KLF7: variants seen among roughly 807,000 people sequenced by gnomAD.
KLF7 encodes the protein KLF transcription factor 7.
A neutral mutation model predicts 27.3 loss-of-function variants in KLF7; 2 were observed. That is an observed-to-expected ratio of 0.07 (90% CI 0.03 to 0.23). The LOEUF (loss-of-function observed/expected upper bound fraction) is 0.23, where lower values mean the gene tolerates loss of function less well. Among genes scored for constraint, KLF7 ranks in the 10% least tolerant of loss-of-function variants. The probability of loss-of-function intolerance (pLI) is 1.00; values close to 1 mark genes in which losing one functional copy is unlikely to be tolerated. For synonymous variants in KLF7, 165 were observed against 162.4 expected (o/e 1.02, Z -0.12); for missense variants, 221 against 394.1 (o/e 0.56, Z 3.72).
At chr2:207,109,926 G>A (rs1313008105) in intron 2 of KLF7, 1 of 154,832 alleles carries the variant, frequency 6.5e-6, no homozygotes, top group African/African-American at 2.4e-5. Context: ...GCTAATACAT[G>A]TAAAAGCCAC....
chr2:207,114,547 A>AT (rs1308951039), intron 2 of KLF7, among the ~76,000 whole-genome samples: 1 of 152,224 alleles, frequency 6.6e-6, no homozygotes, highest in Non-Finnish European at 1.5e-5. Context: ...CTACACTCAA[A>AT]TATGTACCAG....
chr2:207,165,360 AAAAGTC>A, intron 1 of KLF7, 101 bp downstream of exon 1: 1 of 1,500,454 alleles, frequency 6.7e-7, no homozygotes, highest in Non-Finnish European at 9.0e-7. Flanking sequence ...AGGAAGAAAA[AAAAGTC>A]AAACAAACAA....
At chr2:207,172,538 G>A in the KLF7 span, among the ~76,000 whole-genome samples, 109 of 152,178 alleles carry the variant, frequency 7.2e-4, no homozygotes, top group Admixed American at 5.2e-3. Context: ...GATAAGGGAG[G>A]AAAAGTTATT....
chr2:207,136,388 G>A (rs745866281), intron 1 of KLF7, among the ~76,000 whole-genome samples: 17 of 152,024 alleles, frequency 1.1e-4, no homozygotes, highest in Non-Finnish European at 2.1e-4. Context: ...CCCTCTCTCA[G>A]AGCCCTAGTA....
At chr2:207,115,607 A>C (rs2105956086) in intron 2 of KLF7, among the ~76,000 whole-genome samples, 1 of 152,350 alleles carries the variant, frequency 6.6e-6, no homozygotes, top group South Asian at 2.1e-4. Flanking sequence ...ATGTCATGTC[A>C]ATACATTAAC....
Position 207,165,787 on chromosome 2 carries a change from G to C in KLF7, c.-219C>G, listed in dbSNP as rs2078689777. 1.4e-6 allele frequency: 2 copies of C among 1,427,718 alleles called. No individual in the cohort carries two copies. Among genetic ancestry groups the C allele is most frequent in the Non-Finnish European group, 1.8e-6 (2 of 1,096,384 alleles). The allele number at this position is 1,427,718 out of a possible 1,614,324, so 88.4% of individuals were successfully genotyped here. A position where few individuals can be genotyped will look rare whatever the true frequency, so the allele number is the denominator to read the frequency against. ...AGCGAGTGAGTGGGGTGGATGGAGA[G>C]AGGCATCCAGCGTGTACAGTGCAGA... On this transcript the variant is annotated 5_prime_UTR_variant, in exon 1 of 4. Coordinates refer to ENST00000309446, the MANE Select transcript of KLF7 (RefSeq NM_003709.4).
intron 3 of KLF7, 75 bp from the exon 4 acceptor site, chr2:207,081,339 G>T: frequency 1.6e-6 from 2 of 1,231,092 alleles, no homozygotes; most frequent in South Asian, 1.2e-5. Flanking sequence ...CTTAGGAAAT[G>T]ATTTCCCTTA....
intron 2 of KLF7, among the ~76,000 whole-genome samples, chr2:207,101,855 A>T (rs1373231886): frequency 6.6e-6 from 1 of 152,208 alleles, no homozygotes; most frequent in Non-Finnish European, 1.5e-5. Context: ...TTTACATTCT[A>T]TGTAGCTCCA....
At position 207,157,219 on chromosome 2, in the gene KLF7, T is replaced by TA. The variant is rs5838052; in HGVS notation, c.102+8247dup. On this transcript the variant is annotated intron_variant, in intron 1 of 3. Transcript: ENST00000309446. ...CAAGAAAAATGACACAACAGAAAAGTAAAAAAAAAAAAAAAAAAAAAAGAA... is the reference window on the plus strand; with the variant it reads ...CAAGAAAAATGACACAACAGAAAAGTAAAAAAAAAAAAAAAAAAAAAAAGAA... 4.4e-3 allele frequency among the ~76,000 whole-genome samples: 387 copies of TA among 87,286 alleles called. 3 individuals are homozygous for TA. The highest frequency in any genetic ancestry group is 0.01 in the African/African-American group (234 of 23,296). 57.3% of individuals were successfully genotyped at this position (87,286 alleles called of 152,430 possible).
chr2:207,078,175 AAAG>A lies in KLF7; in HGVS notation c.*3035_*3037del, dbSNP rs2076209471. The A allele has an allele frequency of 6.6e-6, 1 of 152,250 alleles. No homozygotes were observed. Among genetic ancestry groups the A allele is most frequent in the Admixed American group, 6.5e-5 (1 of 15,278 alleles). The allele number at this position is 152,250 out of a possible 1,614,324, so 9.4% of individuals were successfully genotyped here. A position where few individuals can be genotyped will look rare whatever the true frequency, so the allele number is the denominator to read the frequency against. On this transcript the variant is annotated 3_prime_UTR_variant, in exon 4 of 4. Transcript: ENST00000309446. ...ATCATTCACAGGTGTCAACTCGGCT[AAAG>A]AAGAACAGTTTCAAAGCCATCCACT...
chr2:207,100,319 T>C (rs1414367090), intron 2 of KLF7, among the ~76,000 whole-genome samples: 5 of 152,248 alleles, frequency 3.3e-5, no homozygotes, highest in Admixed American at 1.3e-4. Context: ...TCTTCCAAGA[T>C]GATTAAACAT....
chr2:207,083,334 TTC>T (rs1434769336), intron 3 of KLF7, among the ~76,000 whole-genome samples: 1 of 152,150 alleles, frequency 6.6e-6, no homozygotes, highest in Non-Finnish European at 1.5e-5. Flanking sequence ...TTCCTTCTTT[TTC>T]TCTCTTTCCC....
intron 2 of KLF7, chr2:207,121,516 A>G (rs2077339967): frequency 6.6e-6 from 1 of 152,200 alleles, no homozygotes; most frequent in Admixed American, 6.5e-5. Context: ...AGAAATGAGG[A>G]AACTGAGGTC....
At chr2:207,171,395 T>C (rs1162281383), upstream of KLF7, among the ~76,000 whole-genome samples, 1 of 152,156 alleles carries the variant, frequency 6.6e-6, no homozygotes, top group Non-Finnish European at 1.5e-5. Context: ...TTATTATACA[T>C]AAAATGAGTT....
chr2:207,165,885 T>C lies in KLF7; in HGVS notation c.-317A>G, dbSNP rs1481002582. ...CCAGGGCTCTAATCACTCCAGCTCG[T>C]GGATCAGGAAGGGGGATGCAAACTC... is the stretch of plus-strand genomic sequence containing the variant. On this transcript the variant is annotated 5_prime_UTR_variant, in exon 1 of 4. Coordinates refer to ENST00000309446, the MANE Select transcript of KLF7 (RefSeq NM_003709.4). 4.3e-6 allele frequency: 5 copies of C among 1,173,770 alleles called. No homozygotes were observed. In the African/African-American group the frequency reaches 4.6e-5, roughly 11 times the overall value. The allele number at this position is 1,173,770 out of a possible 1,614,324, so 72.7% of individuals were successfully genotyped here.
chr2:207,101,989 T>C (rs1045800039), intron 2 of KLF7, among the ~76,000 whole-genome samples: 3 of 152,134 alleles, frequency 2.0e-5, no homozygotes, highest in Admixed American at 6.5e-5. Context: ...CATACCCATA[T>C]ACTATTGGTC....
Position 207,079,810 on chromosome 2 carries a change from C to T in KLF7, c.*1403G>A, listed in dbSNP as rs1336292482. 1 of 152,056 alleles carries T rather than the reference C, an allele frequency of 6.6e-6. No homozygotes were observed. Among genetic ancestry groups the T allele is most frequent in the Non-Finnish European group, 1.5e-5 (1 of 68,028 alleles). 9.4% of individuals were successfully genotyped at this position (152,056 alleles called of 1,614,324 possible). A position where few individuals can be genotyped will look rare whatever the true frequency, so the allele number is the denominator to read the frequency against. On this transcript the variant is annotated 3_prime_UTR_variant, in exon 4 of 4. Coordinates refer to ENST00000309446, the MANE Select transcript of KLF7 (RefSeq NM_003709.4). ...TTTTAGACAGCCCATGAGAGAAACA[C>T]CTCAACCTTTTCCTTAAATGTCAAC...
At position 207,079,061 on chromosome 2, in the gene KLF7, T is replaced by C. The variant is rs1160122937; in HGVS notation, c.*2152A>G. 3 of 44,614 alleles carry C rather than the reference T, an allele frequency of 6.7e-5. No individual in the cohort carries two copies. Among genetic ancestry groups the C allele is most frequent in the Admixed American group, 1.4e-4 (1 of 7,082 alleles). 2.8% of individuals were successfully genotyped at this position (44,614 alleles called of 1,614,324 possible). A position where few individuals can be genotyped will look rare whatever the true frequency, so the allele number is the denominator to read the frequency against. ...TTTCTTTTTTTTTCGTTTTGTATTATTTTGTTTTTTTTTTTGTTTTTGTTT... is the reference window on the plus strand; with the variant it reads ...TTTCTTTTTTTTTCGTTTTGTATTACTTTGTTTTTTTTTTTGTTTTTGTTT... On this transcript the variant is annotated 3_prime_UTR_variant, in exon 4 of 4. Transcript: ENST00000309446.
chr2:207,166,685 T>G, upstream of KLF7: 1 of 522,578 alleles, frequency 1.9e-6, no homozygotes, highest in Non-Finnish European at 2.5e-6. Flanking sequence ...GGAAGGACAG[T>G]GGCCACCCCG....
Sources: allele counts gnomAD v4.1 joint callset (sites outside exome capture counted in the v4.1 genomes callset), GRCh38; gene constraint gnomAD v4.1.1; transcripts MANE v1.5; gene names NCBI Gene and HGNC (gene_info 2026-07-23, HGNC 2026-07-21).